The following PRKCA variants were observed in gnomAD, a reference collection of about 807,000 sequenced individuals.
PRKCA encodes protein kinase C alpha type.
A neutral mutation model predicts 87.0 loss-of-function variants in PRKCA; 27 were observed. The ratio of observed to expected loss-of-function variants is 0.31; its 90% confidence interval spans 0.23 to 0.43. PRKCA has a LOEUF of 0.43. Ranked by LOEUF, PRKCA falls within the 20% of genes least tolerant of loss-of-function variation. The pLI, the probability that PRKCA is intolerant of heterozygous loss-of-function variation, is 1.00. For synonymous variants in PRKCA, 329 were observed against 311.1 expected, an observed-to-expected ratio of 1.06 and a Z score of -0.61; for missense variants, 518 against 852.3, an observed-to-expected ratio of 0.61 and a Z score of 4.88.
chr17:66,631,050 A>G (rs2143746435), intron 3 of PRKCA, among the ~76,000 whole-genome samples: 1 of 152,306 alleles, frequency 6.6e-6, no homozygotes, highest in South Asian at 2.1e-4. Context: ...TGAGCCGTTG[A>G]GTACTCTGCC....
chr17:66,525,253 T>A (rs1186344812), intron 3 of PRKCA, among the ~76,000 whole-genome samples: 2 of 152,240 alleles, frequency 1.3e-5, no homozygotes, highest in African/African-American at 4.8e-5. Flanking sequence ...ATCAGGCACC[T>A]GCAGCTGCAT....
At chr17:66,675,572 G>A (rs1358526192) in intron 5 of PRKCA, among the ~76,000 whole-genome samples, 1 of 152,090 alleles carries the variant, frequency 6.6e-6, no homozygotes, top group Non-Finnish European at 1.5e-5. Context: ...CTCTACCCAG[G>A]GCCTACCCTA....
chr17:66,373,849 G>A (rs1237758411), intron 2 of PRKCA, among the ~76,000 whole-genome samples: 1 of 152,152 alleles, frequency 6.6e-6, no homozygotes, highest in Non-Finnish European at 1.5e-5. Context: ...TTGGATGTAG[G>A]AGAGAAGCCA....
intron 5 of PRKCA, among the ~76,000 whole-genome samples, chr17:66,681,022 G>A (rs1455801554): frequency 6.6e-6 from 1 of 152,118 alleles, no homozygotes; most frequent in Non-Finnish European, 1.5e-5. Context: ...TGAGGTCGGG[G>A]GTTTGAGACC....
chr17:66,452,507 C>T (rs1026486345), intron 2 of PRKCA, among the ~76,000 whole-genome samples: 2 of 152,174 alleles, frequency 1.3e-5, no homozygotes, highest in Admixed American at 6.5e-5. Flanking sequence ...TTTATTTCCT[C>T]TTGAAATGTT....
At chr17:66,630,965 G>C (rs536477441) in intron 3 of PRKCA, among the ~76,000 whole-genome samples, 1 of 152,252 alleles carries the variant, frequency 6.6e-6, no homozygotes, top group Non-Finnish European at 1.5e-5. Context: ...TTGACTTCCA[G>C]ATTGGCCATG....
chr17:66,699,953 T>C (rs752579845), intron 8 of PRKCA, among the ~76,000 whole-genome samples: 7 of 152,262 alleles, frequency 4.6e-5, no homozygotes, highest in Non-Finnish European at 1.0e-4. Context: ...CCTGAGTTCA[T>C]TTTATGGGGC....
At chr17:66,490,263 A>T (rs1290265589) in intron 2 of PRKCA, among the ~76,000 whole-genome samples, 1 of 152,116 alleles carries the variant, frequency 6.6e-6, no homozygotes, top group Admixed American at 6.6e-5. Context: ...TTACCATTTT[A>T]ACCATTTTAA....
intron 2 of PRKCA, among the ~76,000 whole-genome samples, chr17:66,486,254 A>G (rs955137589): frequency 3.9e-5 from 6 of 152,236 alleles, no homozygotes; most frequent in Admixed American, 3.9e-4. Context: ...CAGGTACTCA[A>G]GATTTCATTC....
intron 2 of PRKCA, among the ~76,000 whole-genome samples, chr17:66,354,218 G>A (rs1226268888): frequency 1.3e-5 from 2 of 152,214 alleles, no homozygotes; most frequent in East Asian, 1.9e-4. Flanking sequence ...TGATCTCAAA[G>A]ATAATTCCAA....
intron 5 of PRKCA, among the ~76,000 whole-genome samples, chr17:66,671,511 G>A (rs1314142668): frequency 1.3e-5 from 2 of 152,148 alleles, no homozygotes; most frequent in African/African-American, 4.8e-5. Context: ...TATCAGGTAC[G>A]TACTTGTGGG....
intron 2 of PRKCA, among the ~76,000 whole-genome samples, chr17:66,393,641 C>CGTGT (rs111480827): frequency 0.01 from 1,526 of 148,058 alleles, 17 homozygotes; most frequent in East Asian, 0.018. Flanking sequence ...TGTGTGTGCA[C>CGTGT]GTGTGTGTGT....
intron 3 of PRKCA, among the ~76,000 whole-genome samples, chr17:66,572,858 G>C (rs866528150): frequency 5.9e-5 from 9 of 152,218 alleles, no homozygotes; most frequent in African/African-American, 1.7e-4. Flanking sequence ...GCTATAGTAT[G>C]AGATGAATAT....
intron 2 of PRKCA, among the ~76,000 whole-genome samples, chr17:66,463,742 G>C (rs1914963103): frequency 6.6e-6 from 1 of 152,060 alleles, no homozygotes; most frequent in Non-Finnish European, 1.5e-5. Flanking sequence ...GCAGTTTTAG[G>C]TTCCCAGCAA....
rs141596151 is a variant in PRKCA at position 66,735,500 on chromosome 17, C to T, written c.1068C>T (p.Ala356=). The change falls in exon 10 of 17, where the codon GCC becomes GCT. Residue 356 remains alanine (A), a synonymous_variant. Transcript: ENST00000413366. ...GKGSFGKVML[A]DRKGTEELYA... is the part of the protein sequence containing the mutation. Reference sequence around the variant, plus strand: ...TGACGTGTTCTCAGGTGATGCTTGCCGACAGGAAGGGCACAGAAGAACTGT... The same window carrying T: ...TGACGTGTTCTCAGGTGATGCTTGCTGACAGGAAGGGCACAGAAGAACTGT... 1.6e-5 allele frequency: 26 copies of T among 1,613,858 alleles called. No homozygotes were observed. Among genetic ancestry groups the T allele is most frequent in the East Asian group, 6.7e-5 (3 of 44,888 alleles).
At chr17:66,786,494 G>A (rs769621190) in intron 14 of PRKCA, among the ~76,000 whole-genome samples, 1 of 152,146 alleles carries the variant, frequency 6.6e-6, no homozygotes, top group Non-Finnish European at 1.5e-5. Context: ...CCCACCTTCT[G>A]ACCACAAAGC....
intron 13 of PRKCA, among the ~76,000 whole-genome samples, chr17:66,746,660 C>A (rs975167312): frequency 1.3e-5 from 2 of 152,020 alleles, no homozygotes; most frequent in African/African-American, 2.4e-5. Flanking sequence ...GCAGCGAAGC[C>A]GAGCTGAGGC....
At chr17:66,402,637 A>C (rs978644058) in intron 2 of PRKCA, among the ~76,000 whole-genome samples, 1 of 152,134 alleles carries the variant, frequency 6.6e-6, no homozygotes, top group African/African-American at 2.4e-5. Flanking sequence ...ACTGAGGTAC[A>C]AGGATGTCAA....
intron 3 of PRKCA, among the ~76,000 whole-genome samples, chr17:66,547,919 C>G (rs1370348545): frequency 1.3e-5 from 2 of 152,154 alleles, no homozygotes; most frequent in Non-Finnish European, 2.9e-5. Flanking sequence ...TGACCAGAAA[C>G]ATTGGAAGGA....
Sources: allele counts gnomAD v4.1 joint callset (sites outside exome capture counted in the v4.1 genomes callset), GRCh38; gene constraint gnomAD v4.1.1; transcripts MANE v1.5; gene names NCBI Gene and HGNC (gene_info 2026-07-23, HGNC 2026-07-21).